The following ACYP2 variants were observed in gnomAD, a reference collection of about 807,000 sequenced individuals.
ACYP2 encodes the protein acylphosphatase 2.
Under a neutral mutation model 11.2 loss-of-function variants are expected in ACYP2, and 12 were observed. The observed-to-expected ratio is 1.08, with a 90% CI of 0.69 to 1.74. The LOEUF is 1.74. Among genes scored for constraint, ACYP2 ranks in the 40% most tolerant of loss-of-function variants. The probability of loss-of-function intolerance (pLI) is 0.00; values close to 1 mark genes in which losing one functional copy is unlikely to be tolerated. For synonymous variants in ACYP2, 43 were observed against 32.2 expected (o/e 1.33, Z -1.13); for missense variants, 134 against 101.9 (o/e 1.31, Z -1.35).
intron 6 of ACYP2, among the ~76,000 whole-genome samples, chr2:54,172,982 T>C (rs1356385487): frequency 2.0e-5 from 3 of 152,246 alleles, no homozygotes; most frequent in Admixed American, 2.0e-4. Context: ...GTCTTTGCTA[T>C]TGTGAATAGT....
chr2:54,091,484 CTT>C (rs1195199185), intron 4 of ACYP2, among the ~76,000 whole-genome samples: 1 of 143,346 alleles, frequency 7.0e-6, no homozygotes, highest in African/African-American at 2.6e-5. Flanking sequence ...ATCTCACTCT[CTT>C]GATTTTATTT....
In ACYP2 at chr2:54,274,625, CAAAAAAAAAAAAAAA is replaced by C. The variant is rs70944155; in HGVS notation, c.405-30049_405-30035del. Among the ~76,000 whole-genome samples, 2 of 37,674 alleles carry C rather than the reference CAAAAAAAAAAAAAAA, an allele frequency of 5.3e-5. 1 individual carries two copies. The highest frequency in any genetic ancestry group is 8.9e-5 in the Non-Finnish European group (2 of 22,380). The allele number at this position is 37,674 out of a possible 152,430, so 24.7% of individuals were successfully genotyped here. Reference sequence around the variant, plus strand: ...TGGGTGACAGAGCAAGACTCCATCTCAAAAAAAAAAAAAAAAAAAAAAAAAAAAGTTCTCTGAAAC... The same window carrying C: ...TGGGTGACAGAGCAAGACTCCATCTCAAAAAAAAAAAAAGTTCTCTGAAAC... On this transcript the variant is annotated intron_variant, in intron 6 of 6. Coordinates refer to ENST00000607452, the MANE Select transcript of ACYP2 (RefSeq NM_001320586.2).
chr2:53,996,986 C>A (rs55940356), intron 2 of ACYP2, among the ~76,000 whole-genome samples: 1 of 152,174 alleles, frequency 6.6e-6, no homozygotes, highest in Non-Finnish European at 1.5e-5. Context: ...GGCTGACACA[C>A]GACTAGCCCC....
chr2:54,038,430 G>A (rs892368982), intron 2 of ACYP2, among the ~76,000 whole-genome samples: 18 of 151,938 alleles, frequency 1.2e-4, no homozygotes, highest in African/African-American at 4.3e-4. Context: ...ATATATGTAT[G>A]TATTTTATTT....
chr2:54,066,544 G>A (rs1177929109), intron 4 of ACYP2, among the ~76,000 whole-genome samples: 2 of 152,128 alleles, frequency 1.3e-5, no homozygotes, highest in Non-Finnish European at 2.9e-5. Context: ...TTTGAACCCA[G>A]CCATGTGTTA....
chr2:54,096,124 C>G (rs1558525452), intron 4 of ACYP2, among the ~76,000 whole-genome samples: 1 of 143,094 alleles, frequency 7.0e-6, no homozygotes, highest in Non-Finnish European at 1.5e-5. Context: ...GACGGGGTGG[C>G]TGCTGGGCGG....
chr2:54,031,710 C>A (rs1573561832), intron 2 of ACYP2, among the ~76,000 whole-genome samples: 1 of 152,178 alleles, frequency 6.6e-6, no homozygotes, highest in East Asian at 1.9e-4. Context: ...CACTGTCTTC[C>A]ACAATGGTTG....
intron 6 of ACYP2, among the ~76,000 whole-genome samples, chr2:54,150,174 T>G (rs1275293797): frequency 6.6e-6 from 1 of 152,192 alleles, no homozygotes; most frequent in Non-Finnish European, 1.5e-5. Context: ...CCACACCCAT[T>G]TATTTATGTT....
intron 6 of ACYP2, chr2:54,255,147 T>C: frequency 6.2e-7 from 1 of 1,613,984 alleles, no homozygotes; most frequent in Non-Finnish European, 8.5e-7. Context: ...AGGACTGGGG[T>C]CCATGGCCCC....
rs116827186 is a variant in ACYP2, at chr2:54,115,905, G to A, written c.278-19548G>A. The stretch of plus-strand genomic sequence containing the variant: ...TGACACAGCAGCGGCGGCGGGGAGG[G>A]AGGCGAAACGCGCATGCGCCCGAGG... On this transcript the variant is annotated intron_variant, in intron 4 of 6. Coordinates refer to ENST00000607452, the MANE Select transcript of ACYP2 (RefSeq NM_001320586.2). 4.0e-4 allele frequency: 418 copies of A among 1,049,240 alleles called. 41 individuals carry two copies. The African/African-American group carries it at 9.0e-3, about 23-fold the overall frequency. The allele number at this position is 1,049,240 out of a possible 1,614,324, so 65.0% of individuals were successfully genotyped here.
intron 4 of ACYP2, among the ~76,000 whole-genome samples, chr2:54,076,894 C>T (rs535914085): frequency 1.3e-4 from 20 of 152,282 alleles, no homozygotes; most frequent in Admixed American, 5.2e-4. Flanking sequence ...CTCTGTGAGC[C>T]TTAACTATTT....
At chr2:54,051,707 A>T in intron 3 of ACYP2, 1 of 608,274 alleles carries the variant, frequency 1.6e-6, no homozygotes, top group Non-Finnish European at 3.0e-6. Context: ...GGAAAGCCTG[A>T]TGCAGCAAAA....
intron 6 of ACYP2, among the ~76,000 whole-genome samples, chr2:54,186,943 A>G (rs561808559): frequency 3.3e-5 from 5 of 152,318 alleles, no homozygotes; most frequent in Admixed American, 3.3e-4. Context: ...TAACCAAGTA[A>G]TCTTTTTGAG....
chr2:54,091,759 G>A (rs1205341626), intron 4 of ACYP2, among the ~76,000 whole-genome samples: 1 of 152,018 alleles, frequency 6.6e-6, no homozygotes, highest in East Asian at 1.9e-4. Context: ...TGATCCACCC[G>A]TCTCGGCCTC....
intron 6 of ACYP2, among the ~76,000 whole-genome samples, chr2:54,243,180 G>C (rs912711638): frequency 2.1e-4 from 32 of 151,868 alleles, no homozygotes; most frequent in African/African-American, 7.0e-4. Context: ...GTACAATAAC[G>C]CGTTTAACAC....
At chr2:54,061,011 A>T (rs1429973809) in intron 4 of ACYP2, among the ~76,000 whole-genome samples, 1 of 152,018 alleles carries the variant, frequency 6.6e-6, no homozygotes, top group Non-Finnish European at 1.5e-5. Flanking sequence ...TGCCATATAT[A>T]TTTTAATTAA....
rs1684176432 is a variant in ACYP2 at position 54,190,034 on chromosome 2, G to A, written c.404+51286G>A. Among the ~76,000 whole-genome samples the A allele has an allele frequency of 2.6e-5, 4 of 152,002 alleles. No homozygotes were observed. The South Asian group carries it at 6.2e-4, about 24-fold the overall frequency. On this transcript the variant is annotated intron_variant, in intron 6 of 6. Transcript: ENST00000607452. The stretch of plus-strand genomic sequence containing the variant: ...GAGAAATGTCCATTTAGGTCCCTTT[G>A]CCTATTTTAAAAATCAAGTTATATG...
intron 4 of ACYP2, among the ~76,000 whole-genome samples, chr2:54,076,615 T>G (rs912412563): frequency 6.6e-6 from 1 of 152,228 alleles, no homozygotes; most frequent in Admixed American, 6.5e-5. Flanking sequence ...GAATATCATT[T>G]AGAAGATGAA....
intron 6 of ACYP2, chr2:54,256,128 G>A: frequency 6.2e-7 from 1 of 1,613,810 alleles, no homozygotes. Context: ...TAGCGGGGCT[G>A]TGAGGACTCT....
Sources: allele counts gnomAD v4.1 joint callset (sites outside exome capture counted in the v4.1 genomes callset), GRCh38; gene constraint gnomAD v4.1.1; transcripts MANE v1.5; gene names NCBI Gene and HGNC (gene_info 2026-07-23, HGNC 2026-07-21).